Variants in APC observed in about 807,000 individuals in gnomAD.
The protein encoded by APC is APC regulator of Wnt signaling pathway, also known as adenomatous polyposis coli protein.
A neutral mutation model predicts 247.0 loss-of-function variants in APC; 72 were observed. The ratio of observed to expected loss-of-function variants is 0.29; its 90% CI spans 0.24 to 0.35. APC has a LOEUF of 0.35. Ranked by LOEUF, APC falls within the 10% of genes least tolerant of loss-of-function variation. The probability of loss-of-function intolerance (pLI) is 1.00; values close to 1 mark genes in which losing one functional copy is unlikely to be tolerated. For missense variants in APC, 3,400 were observed against 3,360.7 expected (o/e 1.01, Z -0.29); for synonymous variants, 1,254 against 1,162.5 (o/e 1.08, Z -1.60).
chr5:112,741,690 T>G (rs1753046390), intron 1 of APC, among the ~76,000 whole-genome samples: 1 of 152,160 alleles, frequency 6.6e-6, no homozygotes, highest in Admixed American at 6.6e-5. Flanking sequence ...TCATTCACAT[T>G]GTTGTGCAAC....
At position 112,713,217 on chromosome 5, in the gene APC, G is replaced by C. The variant is rs578039477; in HGVS notation, c.165+5335G>C. ...ATCTCACATAAAAAGTCCAGAAATGGAGTATTCCATGGTTAGTTTAGCTGT... is the reference window on the plus strand; with the variant it reads ...ATCTCACATAAAAAGTCCAGAAATGCAGTATTCCATGGTTAGTTTAGCTGT... On this transcript the variant is annotated intron_variant, in intron 1 of 13. Transcript: ENST00000507379. Among the ~76,000 whole-genome samples, 8 of 151,486 alleles carry C rather than the reference G, an allele frequency of 5.3e-5. No homozygotes were observed. In the South Asian group the frequency reaches 1.3e-3, roughly 24 times the overall value.
In APC at chr5:112,845,240, C is replaced by G. The variant is rs1766883766; in HGVS notation, c.*1114C>G. The G allele has an allele frequency of 4.3e-6, 1 of 231,926 alleles. No homozygotes were observed. Among genetic ancestry groups the G allele is most frequent in the Admixed American group, 5.6e-5 (1 of 17,702 alleles). The allele number at this position is 231,926 out of a possible 1,614,324, so 14.4% of individuals were successfully genotyped here. ...GATTTTTAATATTTTTCCACTTAAA[C>G]TTTTTTTTCTTACTCCACTGGAGCT... On this transcript the variant is annotated 3_prime_UTR_variant, in exon 16 of 16. Transcript: ENST00000257430.
At chr5:112,731,229 G>A (rs990158117) in intron 1 of APC, among the ~76,000 whole-genome samples, 1 of 152,108 alleles carries the variant, frequency 6.6e-6, no homozygotes, top group Non-Finnish European at 1.5e-5. Flanking sequence ...CTGTACATAG[G>A]ATAATTTCTT....
chr5:112,765,069 A>G (rs575139266), intron 2 of APC, among the ~76,000 whole-genome samples: 90 of 152,236 alleles, frequency 5.9e-4, no homozygotes, highest in Admixed American at 1.4e-3. Context: ...TACTAAGGCT[A>G]TTTATTAAAA....
At position 112,836,165 on chromosome 5, in the gene APC, T is replaced by TTCCCCCC. The variant is rs1554083526; in HGVS notation, c.1958+1000_1958+1001insTCCCCCC. Reference sequence around the variant, plus strand: ...CCTCCCGAGTAGCTGGGATTACAGGTCCCCCCCCCCCCCCGCCACCGTGCC... The same window carrying TTCCCCCC: ...CCTCCCGAGTAGCTGGGATTACAGGTTCCCCCCCCCCCCCCCCCCCCGCCACCGTGCC... On this transcript the variant is annotated intron_variant, in intron 15 of 15. Transcript: ENST00000257430. 6.2e-3 allele frequency among the ~76,000 whole-genome samples: 152 copies of TTCCCCCC among 24,474 alleles called. 21 individuals carry two copies. The highest frequency in any genetic ancestry group is 0.029 in the East Asian group (8 of 278). The allele number at this position is 24,474 out of a possible 152,430, so 16.1% of individuals were successfully genotyped here. A position where few individuals can be genotyped will look rare whatever the true frequency, so the allele number is the denominator to read the frequency against.
chr5:112,708,934 C>CT (rs1462872351), intron 1 of APC, among the ~76,000 whole-genome samples: 1 of 152,154 alleles, frequency 6.6e-6, no homozygotes, highest in African/African-American at 2.4e-5. Context: ...TTGCCAGAGT[C>CT]TAAGTGCAAA....
intron 1 of APC, chr5:112,738,207 G>A (rs1277082219): frequency 5.5e-6 from 5 of 911,154 alleles, no homozygotes; most frequent in Non-Finnish European, 6.6e-6. Flanking sequence ...GCCAGAAGGG[G>A]TTTTTGTTTT....
chr5:112,712,689 A>C (rs1349048451), intron 1 of APC, among the ~76,000 whole-genome samples: 1 of 151,944 alleles, frequency 6.6e-6, no homozygotes, highest in Non-Finnish European at 1.5e-5. Context: ...TGCACCCAGC[A>C]GCATGTGCGC....
At chr5:112,820,995 C>G (rs143414089) in intron 10 of APC, among the ~76,000 whole-genome samples, 6 of 151,288 alleles carry the variant, frequency 4.0e-5, no homozygotes, top group Non-Finnish European at 7.4e-5. Flanking sequence ...CTGAGAGTAT[C>G]TGGGACTACA....
intron 8 of APC, among the ~76,000 whole-genome samples, chr5:112,813,743 C>T (rs1762211092): frequency 6.7e-6 from 1 of 149,112 alleles, no homozygotes; most frequent in East Asian, 2.0e-4. Context: ...CATAGTGAAA[C>T]CTTGTCTCTA....
At chr5:112,801,054 C>T (rs747769603) in intron 7 of APC, among the ~76,000 whole-genome samples, 3 of 152,082 alleles carry the variant, frequency 2.0e-5, no homozygotes, top group Non-Finnish European at 4.4e-5. Context: ...AATCCTTTGT[C>T]TCGTGCAGCT....
At chr5:112,801,819 GAA>G (rs1760865672) in intron 8 of APC, among the ~76,000 whole-genome samples, 1 of 151,764 alleles carries the variant, frequency 6.6e-6, no homozygotes, top group African/African-American at 2.4e-5. Flanking sequence ...TATAAATCTA[GAA>G]ATCCAAGTCT....
intron 5 of APC, among the ~76,000 whole-genome samples, chr5:112,778,645 C>G (rs1757972184): frequency 6.6e-6 from 1 of 150,932 alleles, no homozygotes; most frequent in South Asian, 2.1e-4. Context: ...CTCCCAGGTT[C>G]AAGCGATTCT....
At chr5:112,762,805 A>G (rs1755815369) in intron 2 of APC, among the ~76,000 whole-genome samples, 2 of 152,244 alleles carry the variant, frequency 1.3e-5, no homozygotes, top group Admixed American at 1.3e-4. Flanking sequence ...AGTGTATTTT[A>G]CATATGTGTG....
In APC at chr5:112,844,284, CT is replaced by C. The variant is rs1407506573; in HGVS notation, c.*161del. On this transcript the variant is annotated 3_prime_UTR_variant, in exon 16 of 16. Coordinates refer to ENST00000257430, the MANE Select transcript of APC (RefSeq NM_000038.6). Reference sequence around the variant, plus strand: ...TCTGGAAGCCATATTTGATAGTATACTTTGTCTTCACTGGTCTTATTTTGGG... The same window carrying C: ...TCTGGAAGCCATATTTGATAGTATACTTGTCTTCACTGGTCTTATTTTGGG... The C allele has an allele frequency of 5.7e-6, 4 of 705,676 alleles. No homozygotes were observed. In the Admixed American group the frequency reaches 1.2e-4, roughly 22 times the overall value. The allele number at this position is 705,676 out of a possible 1,614,324, so 43.7% of individuals were successfully genotyped here. A position where few individuals can be genotyped will look rare whatever the true frequency, so the allele number is the denominator to read the frequency against.
intron 11 of APC, 39 bp downstream of exon 11, chr5:112,822,030 T>C: frequency 7.7e-7 from 1 of 1,292,344 alleles, no homozygotes; most frequent in Non-Finnish European, 1.1e-6. Context: ...AGACAATTAC[T>C]GGTGGATTTT....
chr5:112,774,939 C>G lies in APC; in HGVS notation c.423-690C>G, dbSNP rs76881115. ...CCTAAGAAAATTATAACAGTGGTAG[C>G]TCTGGCAAAGAGCCACGTGAAAAGA... On this transcript the variant is annotated intron_variant, in intron 4 of 15. Transcript: ENST00000257430. Among the ~76,000 whole-genome samples the G allele has an allele frequency of 6.6e-6, 1 of 152,076 alleles. No homozygotes were observed. Among genetic ancestry groups the G allele is most frequent in the Non-Finnish European group, 1.5e-5 (1 of 68,004 alleles).
intron 8 of APC, among the ~76,000 whole-genome samples, chr5:112,807,372 G>A (rs997841790): frequency 4.0e-5 from 6 of 151,748 alleles, no homozygotes; most frequent in Non-Finnish European, 7.4e-5. Context: ...CTTTTTATAC[G>A]TTACATTGTT....
intron 1 of APC, among the ~76,000 whole-genome samples, chr5:112,715,496 A>G (rs1299326878): frequency 1.3e-5 from 2 of 152,178 alleles, no homozygotes; most frequent in Non-Finnish European, 1.5e-5. Context: ...GGCCTGTACC[A>G]TTCTTGTCGA....
Sources: allele counts gnomAD v4.1 joint callset (sites outside exome capture counted in the v4.1 genomes callset), GRCh38; gene constraint gnomAD v4.1.1; transcripts MANE v1.5; gene names NCBI Gene and HGNC (gene_info 2026-07-23, HGNC 2026-07-21).